Variants in ADAMTS18 observed in about 807,000 individuals in gnomAD.
The protein encoded by ADAMTS18 is A disintegrin and metalloproteinase with thrombospondin motifs 18.
In ADAMTS18, 157 loss-of-function variants were observed where a neutral mutation model predicts 165.9. The ratio of observed to expected loss-of-function variants is 0.95; its 90% confidence interval spans 0.83 to 1.08. The LOEUF (loss-of-function observed/expected upper bound fraction) is 1.08, where lower values mean the gene tolerates loss of function less well. Ranked by LOEUF, ADAMTS18 falls within the 50% of genes least tolerant of loss-of-function variation. The probability of loss-of-function intolerance (pLI) is 0.00; values close to 1 mark genes in which losing one functional copy is unlikely to be tolerated. For synonymous variants in ADAMTS18, 782 were observed against 578.2 expected (o/e 1.35, Z -5.06); for missense variants, 2,040 against 1,534.0 (o/e 1.33, Z -5.51).
intron 16 of ADAMTS18, among the ~76,000 whole-genome samples, chr16:77,309,574 C>G (rs1288557199): frequency 6.6e-6 from 1 of 152,196 alleles, no homozygotes; most frequent in Non-Finnish European, 1.5e-5. Flanking sequence ...AAGTGAAGGT[C>G]TGTTTTCTAT....
chr16:77,293,695 T>G (rs1210588107), intron 19 of ADAMTS18, among the ~76,000 whole-genome samples: 2 of 149,822 alleles, frequency 1.3e-5, no homozygotes, highest in African/African-American at 5.0e-5. Context: ...ACGGGCAGGG[T>G]GGTGCTTTGG....
At chr16:77,287,928 G>A (rs2055286907) in intron 22 of ADAMTS18, among the ~76,000 whole-genome samples, 1 of 152,096 alleles carries the variant, frequency 6.6e-6, no homozygotes, top group Non-Finnish European at 1.5e-5. Context: ...TTTAAGAATA[G>A]GACCCAGCTG....
At chr16:77,327,248 A>G (rs1350522065) in intron 12 of ADAMTS18, among the ~76,000 whole-genome samples, 1 of 152,064 alleles carries the variant, frequency 6.6e-6, no homozygotes, top group Non-Finnish European at 1.5e-5. Context: ...AAAGTTCTTT[A>G]GTAGTCATTT....
Position 77,429,419 on chromosome 16 carries a change from A to C in ADAMTS18, c.495+1876T>G, listed in dbSNP as rs143231204. On this transcript the variant is annotated intron_variant, in intron 3 of 22. Transcript: ENST00000282849. ...GAACACAAAGAAGGGAACAATAGACACTGAGGTCTACTTGGGGGTGGAGGG... is the reference window on the plus strand; with the variant it reads ...GAACACAAAGAAGGGAACAATAGACCCTGAGGTCTACTTGGGGGTGGAGGG... Among the ~76,000 whole-genome samples the C allele has an allele frequency of 5.6e-3, 849 of 152,304 alleles. 6 individuals are homozygous for C. Among genetic ancestry groups the C allele is most frequent in the African/African-American group, 0.02 (818 of 41,564 alleles).
chr16:77,289,410 C>G lies in ADAMTS18; in HGVS notation c.3404G>C (p.Cys1135Ser). The G allele has an allele frequency of 6.2e-7, 1 of 1,613,946 alleles. No individual in the cohort carries two copies. The highest frequency in any genetic ancestry group is 8.5e-7 in the Non-Finnish European group (1 of 1,179,938). Residue 1135 changes from cysteine (C) to serine (S), a missense_variant and splice_region_variant, in exon 22 of 23, where the codon TGC (cysteine) becomes TCC (serine). By Grantham distance (112) the Cys-to-Ser change is moderately radical. Transcript: ENST00000282849. ...GACCCCTCCCCCACAGGTGACTGTG[C>G]ACTGCAGCAGAGAGAAGAGGAAGGA... ...AGWYSLPWQQ[C>S]TVTCGGGVQT...
At chr16:77,430,483 C>T (rs889919070) in intron 3 of ADAMTS18, among the ~76,000 whole-genome samples, 1 of 152,202 alleles carries the variant, frequency 6.6e-6, no homozygotes, top group Non-Finnish European at 1.5e-5. Flanking sequence ...GGCTTTCTCA[C>T]ATTTTCCTTC....
chr16:77,337,487 T>C (rs1306431565), intron 11 of ADAMTS18, among the ~76,000 whole-genome samples: 1 of 152,200 alleles, frequency 6.6e-6, no homozygotes, highest in Non-Finnish European at 1.5e-5. Flanking sequence ...GCTAACTTGC[T>C]CAGAGTGACA....
chr16:77,284,123 CTTT>C (rs34369567), intron 22 of ADAMTS18, 52 bp from the exon 23 acceptor site: 4,029 of 946,040 alleles, frequency 4.3e-3, no homozygotes, highest in Non-Finnish European at 4.9e-3. Flanking sequence ...TATCCTTTTT[CTTT>C]TTTTTTTTTT....
intron 3 of ADAMTS18, among the ~76,000 whole-genome samples, chr16:77,411,065 C>T (rs1014839248): frequency 1.3e-5 from 2 of 152,152 alleles, no homozygotes; most frequent in Non-Finnish European, 2.9e-5. Flanking sequence ...CAACTGACTA[C>T]CTGTTTTAGG....
At position 77,362,234 on chromosome 16, in the gene ADAMTS18, G is replaced by T. The variant is rs1437123273; in HGVS notation, c.1087C>A (p.Gln363Lys). The change falls in exon 7 of 23, where the codon CAG (glutamine) becomes AAG (lysine). Residue 363 changes from glutamine (Q) to lysine (K), a missense_variant. Physicochemically the swap from Gln to Lys is moderately conservative, Grantham distance 53. Coordinates refer to ENST00000282849, the MANE Select transcript of ADAMTS18 (RefSeq NM_199355.4). ...GGLLINHHAD[Q>K]SLNSFCQWQS... ...CATTGACAAAAACTATTCAGAGACT[G>T]GTCTGCATGATGGTTGATCAATAAT... 3 of 1,614,136 alleles carry T rather than the reference G, an allele frequency of 1.9e-6. No homozygotes were observed. The South Asian group carries it at 3.3e-5, about 18-fold the overall frequency.
intron 3 of ADAMTS18, among the ~76,000 whole-genome samples, chr16:77,381,773 C>T (rs898928560): frequency 6.6e-6 from 1 of 152,136 alleles, no homozygotes; most frequent in Admixed American, 6.5e-5. Flanking sequence ...CTGCAGTCCA[C>T]CCTGGGTGAC....
intron 12 of ADAMTS18, among the ~76,000 whole-genome samples, chr16:77,329,609 C>T (rs1211151110): frequency 6.6e-6 from 1 of 151,918 alleles, no homozygotes; most frequent in African/African-American, 2.4e-5. Context: ...TATTGAGTAC[C>T]CACCCTGTGC....
At chr16:77,422,531 G>A (rs1481247629) in intron 3 of ADAMTS18, among the ~76,000 whole-genome samples, 5 of 136,758 alleles carry the variant, frequency 3.7e-5, no homozygotes, top group Admixed American at 3.6e-4. Flanking sequence ...GGAGGGAAGA[G>A]AGGAGAGTGA....
intron 21 of ADAMTS18, 88 bp from the exon 22 acceptor site, chr16:77,289,499 T>A: frequency 6.8e-7 from 1 of 1,473,284 alleles, no homozygotes; most frequent in Middle Eastern, 2.3e-4. Context: ...TTCATGACAT[T>A]AACAAGATGC....
At position 77,293,719 on chromosome 16, in the gene ADAMTS18, C is replaced by T. The variant is rs562620690; in HGVS notation, c.3007-461G>A. Among the ~76,000 whole-genome samples the T allele has an allele frequency of 8.0e-5, 12 of 150,098 alleles. No homozygotes were observed. The South Asian group carries it at 2.6e-3, about 32-fold the overall frequency. ...GTGGTGCTTTGGGGATAAAACTGTT[C>T]CACCTCAGATCATCACGCATGAGAT... On this transcript the variant is annotated intron_variant, in intron 19 of 22. Coordinates refer to ENST00000282849, the MANE Select transcript of ADAMTS18 (RefSeq NM_199355.4).
chr16:77,391,624 T>G (rs1316853382), intron 3 of ADAMTS18, among the ~76,000 whole-genome samples: 2 of 152,114 alleles, frequency 1.3e-5, no homozygotes, highest in African/African-American at 4.8e-5. Flanking sequence ...CCTAATGAGA[T>G]TCAATTCATC....
chr16:77,386,296 C>G (rs1348180852), intron 3 of ADAMTS18, among the ~76,000 whole-genome samples: 1 of 152,158 alleles, frequency 6.6e-6, no homozygotes, highest in African/African-American at 2.4e-5. Context: ...AATACCTATA[C>G]CCAACTTGGA....
intron 3 of ADAMTS18, among the ~76,000 whole-genome samples, chr16:77,383,584 C>T (rs2057063701): frequency 1.3e-5 from 2 of 152,048 alleles, no homozygotes; most frequent in African/African-American, 4.8e-5. Flanking sequence ...CCCTCTGTCA[C>T]CCAGGCTGGA....
intron 3 of ADAMTS18, among the ~76,000 whole-genome samples, chr16:77,430,878 T>G (rs2057729997): frequency 6.6e-6 from 1 of 152,186 alleles, no homozygotes; most frequent in African/African-American, 2.4e-5. Context: ...AAAGTGAAGG[T>G]TGATCTTACC....
Sources: gnomAD v4.1 joint callset for allele counts (sites outside exome capture counted in the v4.1 genomes callset) on GRCh38, gnomAD v4.1.1 for gene constraint, MANE v1.5 for transcripts, NCBI Gene and HGNC (gene_info 2026-07-23, HGNC 2026-07-21) for gene names.